The following RYR2 variants were observed in gnomAD, a reference collection of about 807,000 sequenced individuals.
The protein encoded by RYR2 is cardiac muscle ryanodine receptor-calcium release channel.
In RYR2, 227 loss-of-function variants were observed where a neutral mutation model predicts 601.1. The observed-to-expected ratio is 0.38, with a 90% CI of 0.34 to 0.42. RYR2 has a LOEUF of 0.42. Ranked by LOEUF, RYR2 falls within the 10% of genes least tolerant of loss-of-function variation. The pLI is 1.00. For synonymous variants in RYR2, 2,223 were observed against 2,175.1 expected (o/e 1.02, Z -0.61); for missense variants, 4,646 against 6,156.5 (o/e 0.75, Z 8.21).
intron 58 of RYR2, among the ~76,000 whole-genome samples, chr1:237,668,617 T>C (rs1368029998): frequency 6.6e-6 from 1 of 152,234 alleles, no homozygotes; most frequent in Non-Finnish European, 1.5e-5. Context: ...ATATACTATT[T>C]TCGAGCTCAG....
intron 10 of RYR2, among the ~76,000 whole-genome samples, chr1:237,389,149 T>G (rs1249986987): frequency 6.6e-6 from 1 of 152,188 alleles, no homozygotes; most frequent in Non-Finnish European, 1.5e-5. Flanking sequence ...TCAGTAGGTT[T>G]AGGAAGAAGA....
At chr1:237,587,496 T>C (rs1350164363) in intron 29 of RYR2, among the ~76,000 whole-genome samples, 1 of 152,104 alleles carries the variant, frequency 6.6e-6, no homozygotes, top group African/African-American at 2.4e-5. Context: ...ATAAAAACCC[T>C]GCTGCTGTTT....
intron 35 of RYR2, among the ~76,000 whole-genome samples, chr1:237,606,242 A>G (rs2148538309): frequency 6.6e-6 from 1 of 152,316 alleles, no homozygotes; most frequent in Admixed American, 6.5e-5. Flanking sequence ...GGAACAGAAC[A>G]GAGCCCTCAG....
At chr1:237,580,754 G>T (rs1284835622) in intron 29 of RYR2, among the ~76,000 whole-genome samples, 1 of 152,146 alleles carries the variant, frequency 6.6e-6, no homozygotes, top group Non-Finnish European at 1.5e-5. Flanking sequence ...GTAATAGTGT[G>T]GGGCCTTAAT....
chr1:237,595,691 G>A (rs749810540), intron 34 of RYR2, 34 bp downstream of exon 34: 32 of 1,561,352 alleles, frequency 2.0e-5, no homozygotes, highest in Non-Finnish European at 2.7e-5. Flanking sequence ...GTCTTCTAGG[G>A]AGGAAGACTT....
intron 1 of RYR2, among the ~76,000 whole-genome samples, chr1:237,080,117 C>CA (rs1385557023): frequency 1.7e-5 from 1 of 57,952 alleles, no homozygotes; most frequent in African/African-American, 8.2e-5. Flanking sequence ...ACACCTTATA[C>CA]AAAAATCAAT....
chr1:237,193,858 G>A (rs946187151), intron 1 of RYR2, among the ~76,000 whole-genome samples: 1 of 151,130 alleles, frequency 6.6e-6, no homozygotes, highest in Non-Finnish European at 1.5e-5. Context: ...TTACATCTCT[G>A]TCACTTTTTT....
At chr1:237,062,016 G>GT (rs1236422215) in intron 1 of RYR2, among the ~76,000 whole-genome samples, 1 of 152,200 alleles carries the variant, frequency 6.6e-6, no homozygotes, top group African/African-American at 2.4e-5. Context: ...CTGCATTGCA[G>GT]TGGTACCTGG....
rs1291829047 is a variant in RYR2, at chr1:237,819,155, C to T, written c.14553C>T (p.Phe4851=). The change falls in exon 101 of 105, where the codon TTC becomes TTT. Residue 4851 remains phenylalanine, a synonymous_variant. Coordinates refer to ENST00000366574, the MANE Select transcript of RYR2 (RefSeq NM_001035.3). The surrounding 1 kb of genome is among the most constrained non-coding windows in gnomAD (Gnocchi z 4.0). ...IYRIIFDITF[F]FFVIVILLAI... is the part of the protein sequence containing the mutation. ...GAATCATCTTTGACATCACTTTCTT[C>T]TTCTTTGTTATTGTCATTCTCTTGG... The T allele has an allele frequency of 6.2e-7, 1 of 1,613,698 alleles. No homozygotes were observed. Among genetic ancestry groups the T allele is most frequent in the South Asian group, 1.1e-5 (1 of 91,080 alleles).
intron 12 of RYR2, among the ~76,000 whole-genome samples, chr1:237,437,298 C>T (rs1288025983): frequency 6.6e-6 from 1 of 152,050 alleles, no homozygotes; most frequent in East Asian, 1.9e-4. Flanking sequence ...ATGATCCGCC[C>T]ACCTCGGCCT....
intron 10 of RYR2, among the ~76,000 whole-genome samples, chr1:237,395,949 C>T (rs1702816750): frequency 6.6e-6 from 1 of 152,182 alleles, no homozygotes; most frequent in Non-Finnish European, 1.5e-5. Context: ...AGTTTTCAGC[C>T]AGGGCTGTGC....
intron 13 of RYR2, among the ~76,000 whole-genome samples, chr1:237,444,609 G>A (rs1202877446): frequency 6.6e-6 from 1 of 152,164 alleles, no homozygotes; most frequent in Non-Finnish European, 1.5e-5. Context: ...AGTCTGCAAG[G>A]TGGTGAACCT....
At chr1:237,720,495 A>G (rs897797763) in intron 73 of RYR2, among the ~76,000 whole-genome samples, 2 of 152,244 alleles carry the variant, frequency 1.3e-5, no homozygotes, top group Non-Finnish European at 2.9e-5. Flanking sequence ...CTATTAGAGT[A>G]TGATCTCTTT....
chr1:237,060,364 T>C (rs1026639476), intron 1 of RYR2, among the ~76,000 whole-genome samples: 4 of 152,318 alleles, frequency 2.6e-5, no homozygotes, highest in Admixed American at 6.5e-5. Context: ...ACTGTTTTTT[T>C]CCCCTGCTAA....
chr1:237,165,603 C>T (rs1005583733), intron 1 of RYR2, among the ~76,000 whole-genome samples: 1 of 152,086 alleles, frequency 6.6e-6, no homozygotes, highest in African/African-American at 2.4e-5. Flanking sequence ...GTGGCTCACA[C>T]CTGTTATCCC....
chr1:237,787,117 C>A lies in RYR2; in HGVS notation c.13329-871C>A, dbSNP rs1036464696. ...ACCTAAAGGATATCAAATGTCAATTCTTCTAATTCCATTATTGTTGGAATT... is the reference window on the plus strand; with the variant it reads ...ACCTAAAGGATATCAAATGTCAATTATTCTAATTCCATTATTGTTGGAATT... On this transcript the variant is annotated intron_variant, in intron 91 of 104. Coordinates refer to ENST00000366574, the MANE Select transcript of RYR2 (RefSeq NM_001035.3). Among the ~76,000 whole-genome samples, 4 of 151,968 alleles carry A rather than the reference C, an allele frequency of 2.6e-5. No homozygotes were observed. The South Asian group carries it at 8.3e-4, about 32-fold the overall frequency.
intron 84 of RYR2, among the ~76,000 whole-genome samples, chr1:237,767,814 G>A (rs1693957160): frequency 6.6e-6 from 1 of 152,008 alleles, no homozygotes; most frequent in African/African-American, 2.4e-5. Flanking sequence ...TTTCAGTTTT[G>A]GCAAGATGCA....
intron 33 of RYR2, among the ~76,000 whole-genome samples, chr1:237,594,981 A>G (rs1442872183): frequency 7.6e-6 from 1 of 132,208 alleles, no homozygotes; most frequent in African/African-American, 2.9e-5. Context: ...TTGTCCAGAA[A>G]GGGGCAAAAT....
In RYR2 at chr1:237,556,391, C is replaced by G. The variant is rs145728916; in HGVS notation, c.3214+5700C>G. Among the ~76,000 whole-genome samples, 1,477 of 151,512 alleles carry G rather than the reference C, an allele frequency of 9.7e-3. 26 individuals carry two copies. The highest frequency in any genetic ancestry group is 0.034 in the African/African-American group (1,388 of 41,402). ...CTCAGTTCACTGCAACCTCTGCCTCCCTGGTTCAGGTGATTTTCCCTGCCT... is the reference window on the plus strand; with the variant it reads ...CTCAGTTCACTGCAACCTCTGCCTCGCTGGTTCAGGTGATTTTCCCTGCCT... On this transcript the variant is annotated intron_variant, in intron 27 of 104. Coordinates refer to ENST00000366574, the MANE Select transcript of RYR2 (RefSeq NM_001035.3).
Sources: allele counts gnomAD v4.1 joint callset (sites outside exome capture counted in the v4.1 genomes callset), GRCh38; gene constraint gnomAD v4.1.1; non-coding constraint Gnocchi (gnomAD v3.1); transcripts MANE v1.5; gene names NCBI Gene and HGNC (gene_info 2026-07-23, HGNC 2026-07-21).